The following CEP128 variants were observed in gnomAD, a reference collection of about 807,000 sequenced individuals.
CEP128 encodes the protein centrosomal protein 128, also known as centrosomal protein 128kDa.
CEP128 carries 132 observed loss-of-function variants against 156.7 expected under a neutral mutation model. The observed-to-expected ratio is 0.84, with a 90% confidence interval of 0.73 to 0.97. The LOEUF (loss-of-function observed/expected upper bound fraction) is 0.97, where lower values mean the gene tolerates loss of function less well. CEP128 is among the 50% of genes least tolerant of loss of function. The pLI is 0.00. For missense variants in CEP128, 1,252 were observed against 1,281.9 expected, an observed-to-expected ratio of 0.98 and a Z score of 0.36; for synonymous variants, 469 against 448.9, an observed-to-expected ratio of 1.04 and a Z score of -0.57.
At chr14:80,666,577 A>T (rs1895621886) in intron 19 of CEP128, among the ~76,000 whole-genome samples, 1 of 152,132 alleles carries the variant, frequency 6.6e-6, no homozygotes, top group South Asian at 2.1e-4. Flanking sequence ...GGACAAAAAC[A>T]CCATCACTCA....
At chr14:80,726,876 G>A (rs977544684) in intron 19 of CEP128, among the ~76,000 whole-genome samples, 2 of 152,164 alleles carry the variant, frequency 1.3e-5, no homozygotes, top group African/African-American at 2.4e-5. Flanking sequence ...TGAGTTGCTG[G>A]AAGGTGAACA....
intron 8 of CEP128, among the ~76,000 whole-genome samples, chr14:80,866,091 C>T (rs1269387041): frequency 2.0e-5 from 3 of 152,060 alleles, no homozygotes; most frequent in Non-Finnish European, 4.4e-5. Context: ...GGTCAGCCCC[C>T]ACAGATGCAG....
rs542056816 is a variant in CEP128, at chr14:80,511,211, T to C, written c.3073-6191A>G. On this transcript the variant is annotated intron_variant, in intron 23 of 24. Coordinates refer to ENST00000555265, the MANE Select transcript of CEP128 (RefSeq NM_152446.5). The stretch of plus-strand genomic sequence containing the variant: ...TTAGTTCTTTAAGTGTTTGTTAGAA[T>C]TCAGCAGTGAAGCCATCAGGTCCCA... 1.9e-4 allele frequency among the ~76,000 whole-genome samples: 29 copies of C among 152,158 alleles called. No individual in the cohort carries two copies. The South Asian group carries it at 5.4e-3, about 28-fold the overall frequency.
At chr14:80,874,909 C>T (rs987331984) in intron 8 of CEP128, among the ~76,000 whole-genome samples, 26 of 152,274 alleles carry the variant, frequency 1.7e-4, no homozygotes, top group African/African-American at 5.5e-4. Flanking sequence ...TGAGCCACCG[C>T]GCCTGGCCAA....
At chr14:80,626,942 C>A (rs548687171) in intron 19 of CEP128, among the ~76,000 whole-genome samples, 1 of 152,246 alleles carries the variant, frequency 6.6e-6, no homozygotes, top group South Asian at 2.1e-4. Context: ...CCCATCACCA[C>A]CCCCAAAATC....
intron 21 of CEP128, among the ~76,000 whole-genome samples, chr14:80,547,923 C>T (rs779742659): frequency 2.8e-4 from 43 of 152,110 alleles, no homozygotes; most frequent in Middle Eastern, 3.4e-3. Flanking sequence ...CTCAGCCTCC[C>T]AAGTAGCTGG....
chr14:80,762,013 T>TATGATG (rs907650716), intron 16 of CEP128, among the ~76,000 whole-genome samples: 3 of 152,076 alleles, frequency 2.0e-5, no homozygotes, highest in African/African-American at 7.2e-5. Context: ...AACTGCTAAA[T>TATGATG]ATGATGCTAG....
At chr14:80,698,035 T>C (rs974088334) in intron 19 of CEP128, among the ~76,000 whole-genome samples, 1 of 152,082 alleles carries the variant, frequency 6.6e-6, no homozygotes, top group Non-Finnish European at 1.5e-5. Flanking sequence ...AAGTTAATGA[T>C]ACTCCATCTT....
At chr14:80,589,650 G>A (rs75277049) in intron 19 of CEP128, among the ~76,000 whole-genome samples, 2,760 of 152,084 alleles carry the variant, frequency 0.018, 31 homozygotes, top group Non-Finnish European at 0.025. Flanking sequence ...TCCCCACTTC[G>A]CACCTATGCT....
intron 13 of CEP128, among the ~76,000 whole-genome samples, chr14:80,812,384 T>C (rs1884608038): frequency 6.6e-6 from 1 of 152,258 alleles, no homozygotes; most frequent in Non-Finnish European, 1.5e-5. Flanking sequence ...TATGTCTTTA[T>C]GGTAGAAAGC....
intron 19 of CEP128, among the ~76,000 whole-genome samples, chr14:80,736,771 C>A (rs1320568714): frequency 6.6e-6 from 1 of 152,176 alleles, no homozygotes; most frequent in Non-Finnish European, 1.5e-5. Context: ...AATAATGAAT[C>A]ATAAGTTTCC....
At chr14:80,955,688 C>T (rs1263008401) in intron 2 of CEP128, 1 of 1,614,000 alleles carries the variant, frequency 6.2e-7, no homozygotes, top group Non-Finnish European at 8.5e-7. Flanking sequence ...AAAATGAGGC[C>T]GGCGGACTTG....
At chr14:80,770,254 T>G (rs1900448503) in intron 16 of CEP128, among the ~76,000 whole-genome samples, 2 of 152,194 alleles carry the variant, frequency 1.3e-5, no homozygotes, top group African/African-American at 4.8e-5. Context: ...TTGTAAATAG[T>G]TGGTAGGAAA....
intron 19 of CEP128, among the ~76,000 whole-genome samples, chr14:80,722,195 G>A (rs368708020): frequency 8.5e-5 from 13 of 152,086 alleles, no homozygotes; most frequent in East Asian, 7.7e-4. Context: ...AGTGTGTGGG[G>A]GTGGCCTGAA....
intron 13 of CEP128, among the ~76,000 whole-genome samples, chr14:80,796,863 A>T (rs959299585): frequency 1.3e-5 from 2 of 152,224 alleles, no homozygotes; most frequent in Non-Finnish European, 2.9e-5. Context: ...TAGCAAGTCA[A>T]GAAGTAAACT....
In CEP128 at chr14:80,785,448, C is replaced by G; in HGVS notation, c.1658G>C (p.Arg553Pro). Residue 553 changes from arginine to proline, a missense_variant, in exon 15 of 25, where the codon CGT becomes CCT. Arg to Pro is a moderately radical substitution (Grantham distance 103). Coordinates refer to ENST00000555265, the MANE Select transcript of CEP128 (RefSeq NM_152446.5). ...GTGAAGCTCCTCCTCCTGAAGGGCA[C>G]GCTTTGTTAGGACATCATTCAATTC... Reference protein sequence around the residue: ...RKELNDVLTKRALQEEELHSK... With the variant: ...RKELNDVLTKPALQEEELHSK... 1 of 1,613,966 alleles carries G rather than the reference C, an allele frequency of 6.2e-7. No homozygotes were observed. Among genetic ancestry groups the G allele is most frequent in the Non-Finnish European group, 8.5e-7 (1 of 1,179,904 alleles).
intron 19 of CEP128, among the ~76,000 whole-genome samples, chr14:80,738,330 C>T (rs1898638544): frequency 6.6e-6 from 1 of 152,018 alleles, no homozygotes; most frequent in African/African-American, 2.4e-5. Context: ...ACCAACTGTA[C>T]AAGTAGCATA....
At chr14:80,797,539 T>C (rs1363240256) in intron 13 of CEP128, among the ~76,000 whole-genome samples, 5 of 152,188 alleles carry the variant, frequency 3.3e-5, no homozygotes, top group Non-Finnish European at 5.9e-5. Flanking sequence ...AAATTCATCA[T>C]AGAGGTCCTT....
chr14:80,574,731 C>T (rs1891286568), intron 20 of CEP128, among the ~76,000 whole-genome samples: 1 of 152,122 alleles, frequency 6.6e-6, no homozygotes, highest in African/African-American at 2.4e-5. Context: ...TTGCCATAGG[C>T]TACTCCATAA....
Sources: allele counts gnomAD v4.1 joint callset (sites outside exome capture counted in the v4.1 genomes callset), GRCh38; gene constraint gnomAD v4.1.1; transcripts MANE v1.5; gene names NCBI Gene and HGNC (gene_info 2026-07-23, HGNC 2026-07-21).